DNAJC2: variants seen among roughly 807,000 people sequenced by gnomAD.
DNAJC2 encodes dnaJ homolog subfamily C member 2.
A neutral mutation model predicts 94.0 loss-of-function variants in DNAJC2; 32 were observed. That is an observed-to-expected ratio of 0.34 (90% CI 0.26 to 0.46). The LOEUF (loss-of-function observed/expected upper bound fraction) is 0.46. Among genes scored for constraint, DNAJC2 ranks in the 20% least tolerant of loss-of-function variants. The pLI, the probability that DNAJC2 is intolerant of heterozygous loss-of-function variation, is 1.00. For missense variants in DNAJC2, 550 were observed against 719.5 expected (o/e 0.76, Z 2.69); for synonymous variants, 210 against 229.7 (o/e 0.91, Z 0.77).
At chr7:103,343,867 G>A (rs575267961) in intron 1 of DNAJC2, among the ~76,000 whole-genome samples, 57 of 152,166 alleles carry the variant, frequency 3.7e-4, no homozygotes, top group Non-Finnish European at 7.8e-4. Context: ...TGCAACACGT[G>A]CCATGGGTTA....
At chr7:103,314,409 C>T (rs1817929068) in intron 15 of DNAJC2, 1 of 985,298 alleles carries the variant, frequency 1.0e-6, no homozygotes, top group South Asian at 4.7e-5. Flanking sequence ...GCAAAGGAGT[C>T]ATACCCACAT....
intron 12 of DNAJC2, chr7:103,317,274 T>TG (rs1563456687): frequency 2.5e-6 from 1 of 397,622 alleles, no homozygotes; most frequent in African/African-American, 2.0e-5. Flanking sequence ...CCATTAGCCT[T>TG]GGACACTAAT....
intron 14 of DNAJC2, 49 bp downstream of exon 14, chr7:103,315,939 A>G: frequency 6.4e-7 from 1 of 1,550,808 alleles, no homozygotes; most frequent in East Asian, 2.3e-5. Context: ...TGCATAAGTT[A>G]TTTTAAAAAT....
At chr7:103,330,041 G>T (rs1818902030) in intron 3 of DNAJC2, among the ~76,000 whole-genome samples, 1 of 152,098 alleles carries the variant, frequency 6.6e-6, no homozygotes, top group Non-Finnish European at 1.5e-5. Flanking sequence ...CTAGCTGTGG[G>T]CCTGAAACAG....
intron 10 of DNAJC2, among the ~76,000 whole-genome samples, chr7:103,320,457 A>C (rs891520014): frequency 6.6e-6 from 1 of 152,030 alleles, no homozygotes; most frequent in South Asian, 2.1e-4. Context: ...TTCTAAACAT[A>C]ATCATCTTAC....
Position 103,312,299 on chromosome 7 carries a change from A to T in DNAJC2, c.*270T>A. On this transcript the variant is annotated 3_prime_UTR_variant, in exon 17 of 17. Coordinates refer to ENST00000379263, the MANE Select transcript of DNAJC2 (RefSeq NM_014377.3). ...TGCTCCTAATCAAGATTGTTTGAAC[A>T]CATGTATTTATAAAACAGAGCTAGA... The T allele has an allele frequency of 6.2e-7, 1 of 1,606,028 alleles. No individual in the cohort carries two copies. Among genetic ancestry groups the T allele is most frequent in the Non-Finnish European group, 8.5e-7 (1 of 1,179,702 alleles).
At chr7:103,343,433 G>A (rs756330454) in intron 1 of DNAJC2, among the ~76,000 whole-genome samples, 2 of 152,224 alleles carry the variant, frequency 1.3e-5, no homozygotes, top group Non-Finnish European at 2.9e-5. Context: ...CTAAGCTGTA[G>A]TGGAACAAGC....
At position 103,321,979 on chromosome 7, in the gene DNAJC2, T is replaced by C; in HGVS notation, c.1036A>G (p.Lys346Glu). ...TGCCTTTCCTTCTTAATGGCTTTTT[T>C]CTGGATATCTTTTTCCTTCTTTGCC... is the stretch of plus-strand genomic sequence containing the variant. ...LLAKKEKDIQ[K>E]KAIKKERQKL... Residue 346 changes from lysine (K) to glutamate (E), a missense_variant, in exon 10 of 17, where the codon AAA (lysine) becomes GAA (glutamate). By Grantham distance (56) the Lys-to-Glu change is moderately conservative (BLOSUM62 1). Around this residue, in one of 2 missense-constraint regions of DNAJC2, gnomAD observed 279 missense variants for 416.9 expected, o/e 0.67. Coordinates refer to ENST00000379263, the MANE Select transcript of DNAJC2 (RefSeq NM_014377.3). 1 of 1,614,192 alleles carries C rather than the reference T, an allele frequency of 6.2e-7. No homozygotes were observed. The highest frequency in any genetic ancestry group is 1.3e-5 in the African/African-American group (1 of 75,082).
chr7:103,318,860 C>CT (rs1401345868), intron 12 of DNAJC2, among the ~76,000 whole-genome samples: 5 of 152,164 alleles, frequency 3.3e-5, no homozygotes, highest in Non-Finnish European at 7.3e-5. Flanking sequence ...AAATCAAACA[C>CT]TAAGTATGGT....
intron 12 of DNAJC2, among the ~76,000 whole-genome samples, chr7:103,318,100 C>T (rs753762534): frequency 1.3e-5 from 2 of 152,160 alleles, no homozygotes; most frequent in Non-Finnish European, 2.9e-5. Flanking sequence ...GTATTAAAAA[C>T]CTGATCATTG....
intron 3 of DNAJC2, among the ~76,000 whole-genome samples, chr7:103,330,102 C>T (rs565248017): frequency 2.0e-5 from 3 of 152,228 alleles, no homozygotes; most frequent in Middle Eastern, 3.4e-3. Context: ...CTTATCAAAA[C>T]GGAATGGGTG....
At chr7:103,319,247 A>T (rs1818245917) in intron 12 of DNAJC2, among the ~76,000 whole-genome samples, 1 of 151,912 alleles carries the variant, frequency 6.6e-6, no homozygotes, top group Non-Finnish European at 1.5e-5. Context: ...GACCAGCCTG[A>T]CCAACATGGT....
chr7:103,317,934 A>G (rs1818161547), intron 12 of DNAJC2, among the ~76,000 whole-genome samples: 1 of 147,128 alleles, frequency 6.8e-6, no homozygotes, highest in African/African-American at 2.5e-5. Context: ...TATAGGCATG[A>G]GCCACCACGC....
rs1818092333 is a variant in DNAJC2 at position 103,316,915 on chromosome 7, C to T, written c.1342G>A (p.Gly448Arg). The change falls in exon 13 of 17, where the codon GGA (glycine) becomes AGA (arginine). Residue 448 changes from glycine to arginine, a missense_variant. Gly to Arg is a moderately radical substitution (Grantham distance 125, BLOSUM62 -2). Transcript: ENST00000379263. ...KNTEKSTGGGGNGSKNWSEDD... is the reference protein window; with the variant it reads ...KNTEKSTGGGRNGSKNWSEDD... ...TCTGACCAATTTTTACTTCCATTTC[C>T]ACCTCCACCAGTTGATTTCTCTGTG... The T allele has an allele frequency of 6.2e-7, 1 of 1,613,976 alleles. No individual in the cohort carries two copies. Among genetic ancestry groups the T allele is most frequent in the South Asian group, 1.1e-5 (1 of 91,076 alleles).
chr7:103,313,030 G>T lies in DNAJC2; in HGVS notation c.1708C>A (p.Pro570Thr). The T allele has an allele frequency of 6.2e-7, 1 of 1,613,844 alleles. No individual in the cohort carries two copies. Among genetic ancestry groups the T allele is most frequent in the African/African-American group, 1.3e-5 (1 of 74,974 alleles). ...KLLEQALKTY[P>T]VNTPERWEKI... is the part of the protein sequence containing the mutation. The stretch of plus-strand genomic sequence containing the variant: ...TCCCATCTTTCAGGTGTATTTACTG[G>T]GTATGTTTTCAAAGCTTGTTCCAAA... Residue 570 changes from proline to threonine, a missense_variant, in exon 16 of 17, where the codon CCA becomes ACA. Pro to Thr is a conservative substitution (Grantham distance 38). Around this residue, in one of 2 missense-constraint regions of DNAJC2, gnomAD observed 271 missense variants for 302.6 expected, o/e 0.90. Coordinates refer to ENST00000379263, the MANE Select transcript of DNAJC2 (RefSeq NM_014377.3).
At chr7:103,315,039 TG>T (rs904229658) in intron 15 of DNAJC2, among the ~76,000 whole-genome samples, 23 of 152,272 alleles carry the variant, frequency 1.5e-4, no homozygotes, top group Admixed American at 3.3e-4. Flanking sequence ...ACCCATATAA[TG>T]GGTGTAACAC....
chr7:103,313,660 T>C, intron 15 of DNAJC2: 1 of 985,458 alleles, frequency 1.0e-6, no homozygotes, highest in Non-Finnish European at 1.2e-6. Flanking sequence ...TGTGGTGTTC[T>C]CTTCGTCACA....
Position 103,312,583 on chromosome 7 carries a change from T to C in DNAJC2, c.1852A>G (p.Arg618Gly). The C allele has an allele frequency of 6.2e-7, 1 of 1,613,074 alleles. No homozygotes were observed. The highest frequency in any genetic ancestry group is 8.5e-7 in the Non-Finnish European group (1 of 1,179,684). ...AAQEQVLNAS[R>G]AKK Reference sequence around the variant, plus strand: ...AACAAAGATTGTCATTTCTTGGCTCTACTTGCATTCAGCACTTGTTCTTGA... The same window carrying C: ...AACAAAGATTGTCATTTCTTGGCTCCACTTGCATTCAGCACTTGTTCTTGA... The change falls in exon 17 of 17, where the codon AGA (arginine) becomes GGA (glycine). Residue 618 changes from arginine to glycine, a missense_variant. Arg to Gly is a moderately radical substitution (Grantham distance 125). Transcript: ENST00000379263.
chr7:103,329,814 G>A (rs1332157619), intron 3 of DNAJC2, among the ~76,000 whole-genome samples: 4 of 152,034 alleles, frequency 2.6e-5, no homozygotes, highest in Non-Finnish European at 5.9e-5. Context: ...TTGCTTATTT[G>A]TCTTGCATCT....
Sources: gnomAD v4.1 joint callset for allele counts (sites outside exome capture counted in the v4.1 genomes callset) on GRCh38, gnomAD v4.1.1 for gene constraint, gnomAD v4.1.1 regional missense constraint, MANE v1.5 for transcripts, NCBI Gene and HGNC (gene_info 2026-07-23, HGNC 2026-07-21) for gene names.